The following GRAMD1B variants were observed in gnomAD, a reference collection of about 807,000 sequenced individuals.
GRAMD1B encodes GRAM domain containing 1B.
Under a neutral mutation model 99.7 loss-of-function variants are expected in GRAMD1B, and 37 were observed. That is an observed-to-expected ratio of 0.37 (90% CI 0.29 to 0.49). GRAMD1B has a LOEUF of 0.49. Among genes scored for constraint, GRAMD1B ranks in the 20% least tolerant of loss-of-function variants. GRAMD1B has a pLI of 0.98. For missense variants in GRAMD1B, 888 were observed against 1,009.2 expected (o/e 0.88, Z 1.63); for synonymous variants, 427 against 387.6 (o/e 1.10, Z -1.19).
At chr11:123,390,149 AAAG>A (rs1381833088) in intron 1 of GRAMD1B, among the ~76,000 whole-genome samples, 3 of 151,794 alleles carry the variant, frequency 2.0e-5, no homozygotes, top group Non-Finnish European at 4.4e-5. Context: ...AAAAAAAAAA[AAAG>A]AGAGAGAGAC....
intron 1 of GRAMD1B, among the ~76,000 whole-genome samples, chr11:123,399,755 G>T (rs1470654164): frequency 6.6e-6 from 1 of 152,068 alleles, no homozygotes; most frequent in Non-Finnish European, 1.5e-5. Context: ...AATTAAATGT[G>T]CACCACCCAC....
chr11:123,402,109 T>G (rs111622830), intron 1 of GRAMD1B, among the ~76,000 whole-genome samples: 9,742 of 152,174 alleles, frequency 0.064, 811 homozygotes, highest in African/African-American at 0.19. Flanking sequence ...TCCGCTTCCC[T>G]GGTTCAAGCG....
chr11:123,544,330 A>T (rs1944846299), intron 2 of GRAMD1B, among the ~76,000 whole-genome samples: 2 of 152,228 alleles, frequency 1.3e-5, no homozygotes, highest in Admixed American at 6.5e-5. Context: ...ATTTGAACCC[A>T]GTCTGCAGAA....
chr11:123,527,035 C>T (rs181437728), intron 2 of GRAMD1B, among the ~76,000 whole-genome samples: 1 of 152,258 alleles, frequency 6.6e-6, no homozygotes, highest in Non-Finnish European at 1.5e-5. Flanking sequence ...CTGCCTGAGG[C>T]CTCCTTCAGA....
At chr11:123,528,690 CT>C (rs372115074) in intron 2 of GRAMD1B, among the ~76,000 whole-genome samples, 11 of 147,916 alleles carry the variant, frequency 7.4e-5, no homozygotes, top group Admixed American at 2.0e-4. Flanking sequence ...TAGACACCGG[CT>C]TTTTTTTTTA....
Position 123,577,423 on chromosome 11 carries a change from G to T in GRAMD1B, c.509G>T (p.Arg170Leu). 6.2e-7 allele frequency: 1 copy of T among 1,600,466 alleles called. No individual in the cohort carries two copies. Among genetic ancestry groups the T allele is most frequent in the South Asian group, 1.1e-5 (1 of 88,312 alleles). ...TPACSPILRK[R>L]SRSPTPQNQD... is the part of the protein sequence containing the mutation. ...GCCTGCTCGCCCATCCTCCGGAAGC[G>T]GTCTCGCTCGCCAACCCCGCAGAAC... Residue 170 changes from arginine (R) to leucine (L), a missense_variant, in exon 3 of 20, where the codon CGG becomes CTG. By Grantham distance (102) the Arg-to-Leu change is moderately radical (BLOSUM62 -2). This residue lies in a region of GRAMD1B where 233 missense variants were observed against 154.6 expected (regional missense o/e 1.51). Transcript: ENST00000635736.
At chr11:123,397,260 T>C (rs1947498511) in intron 1 of GRAMD1B, among the ~76,000 whole-genome samples, 1 of 151,984 alleles carries the variant, frequency 6.6e-6, no homozygotes, top group Admixed American at 6.6e-5. Context: ...AAAAAAAAGT[T>C]AGCTGGGCAT....
At chr11:123,392,570 T>C (rs1428108946) in intron 1 of GRAMD1B, among the ~76,000 whole-genome samples, 1 of 151,954 alleles carries the variant, frequency 6.6e-6, no homozygotes, top group Non-Finnish European at 1.5e-5. Flanking sequence ...TTATACAGTA[T>C]GCATGACCAA....
intron 1 of GRAMD1B, among the ~76,000 whole-genome samples, chr11:123,380,892 C>A (rs1334604545): frequency 6.6e-6 from 1 of 152,194 alleles, no homozygotes; most frequent in Non-Finnish European, 1.5e-5. Flanking sequence ...TAATGACCAC[C>A]TCTTTTTCTT....
At chr11:123,462,408 A>G (rs988529164) in intron 1 of GRAMD1B, among the ~76,000 whole-genome samples, 6 of 152,128 alleles carry the variant, frequency 3.9e-5, no homozygotes, top group African/African-American at 1.2e-4. Context: ...TGGACTTCCC[A>G]GATGCTCTTG....
intron 1 of GRAMD1B, among the ~76,000 whole-genome samples, chr11:123,471,566 CAAG>C (rs1200425269): frequency 1.3e-5 from 2 of 152,088 alleles, no homozygotes; most frequent in East Asian, 1.9e-4. Context: ...ATATGCGTTT[CAAG>C]AAGGAGAATA....
intron 1 of GRAMD1B, among the ~76,000 whole-genome samples, chr11:123,423,838 A>C (rs1948548156): frequency 6.6e-6 from 1 of 152,300 alleles, no homozygotes; most frequent in East Asian, 1.9e-4. Flanking sequence ...TCATCTTGAA[A>C]TAGGGCTTTT....
chr11:123,600,451 T>G lies in GRAMD1B; in HGVS notation c.970-17T>G. The G allele has an allele frequency of 3.9e-6, 6 of 1,527,916 alleles. No homozygotes were observed. The highest frequency in any genetic ancestry group is 5.4e-6 in the Non-Finnish European group (6 of 1,103,654). 94.6% of individuals were successfully genotyped at this position (1,527,916 alleles called of 1,614,324 possible). On this transcript the variant is annotated splice_polypyrimidine_tract_variant and intron_variant, in intron 7 of 19. Coordinates refer to ENST00000635736, the MANE Select transcript of GRAMD1B (RefSeq NM_001387025.1). Reference sequence around the variant, plus strand: ...TAACTCAACAGATATTTATTGTTATTTTCTTTTCCAATCTAGCACTTCTTC... The same window carrying G: ...TAACTCAACAGATATTTATTGTTATGTTCTTTTCCAATCTAGCACTTCTTC...
At chr11:123,538,237 T>C (rs4936824) in intron 2 of GRAMD1B, among the ~76,000 whole-genome samples, 28,204 of 152,012 alleles carry the variant, frequency 0.19, 2,982 homozygotes, top group East Asian at 0.25. Context: ...TTCATTGTTC[T>C]TCCTCACTCT....
chr11:123,544,048 A>G (rs1416566824), intron 2 of GRAMD1B, among the ~76,000 whole-genome samples: 1 of 152,154 alleles, frequency 6.6e-6, no homozygotes, highest in Non-Finnish European at 1.5e-5. Flanking sequence ...CATGGTTTGC[A>G]CCAGCCCGTG....
rs1244477500 is a variant in GRAMD1B at position 123,431,149 on chromosome 11, G to A, written c.357G>A (p.Lys119=). Residue 119 remains lysine, a synonymous_variant, in exon 1 of 20, where the codon AAG becomes AAA. Coordinates refer to ENST00000635736, the MANE Select transcript of GRAMD1B (RefSeq NM_001387025.1). ...AGTGGCTGAGGGTGAGGGAGCGGAAGGAGTGCAGTGAAAGCAGGTACGTCC... is the reference window on the plus strand; with the variant it reads ...AGTGGCTGAGGGTGAGGGAGCGGAAAGAGTGCAGTGAAAGCAGGTACGTCC... ...LRKWLRVRER[K]ECSESSSQQS... 2 of 702,372 alleles carry A rather than the reference G, an allele frequency of 2.8e-6. No individual in the cohort carries two copies. The highest frequency in any genetic ancestry group is 1.5e-5 in the South Asian group (1 of 67,552). The allele number at this position is 702,372 out of a possible 1,614,324, so 43.5% of individuals were successfully genotyped here. A position where few individuals can be genotyped will look rare whatever the true frequency, so the allele number is the denominator to read the frequency against.
chr11:123,445,208 G>A (rs537822273), intron 1 of GRAMD1B, among the ~76,000 whole-genome samples: 1 of 152,326 alleles, frequency 6.6e-6, no homozygotes, highest in African/African-American at 2.4e-5. Context: ...GTGTTGTCAG[G>A]TATTTCTGCC....
intron 1 of GRAMD1B, among the ~76,000 whole-genome samples, chr11:123,404,646 T>G (rs1437538924): frequency 3.3e-5 from 5 of 152,226 alleles, no homozygotes; most frequent in Admixed American, 3.3e-4. Context: ...AATCTTCTCC[T>G]TTTGGAGCAG....
At chr11:123,360,076 C>T (rs1946087146) in intron 1 of GRAMD1B, among the ~76,000 whole-genome samples, 1 of 152,200 alleles carries the variant, frequency 6.6e-6, no homozygotes, top group East Asian at 1.9e-4. Flanking sequence ...TCCCACTATA[C>T]TCCTAAGCTG....
Sources: allele counts gnomAD v4.1 joint callset (sites outside exome capture counted in the v4.1 genomes callset), GRCh38; gene constraint gnomAD v4.1.1; regional missense constraint gnomAD v4.1.1; transcripts MANE v1.5; gene names NCBI Gene and HGNC (gene_info 2026-07-23, HGNC 2026-07-21).